SPHKAP: variants seen among roughly 807,000 people sequenced by gnomAD.
SPHKAP encodes the protein SPHK1 interactor, AKAP domain containing, also known as A-kinase anchor protein SPHKAP.
A neutral mutation model predicts 137.5 loss-of-function variants in SPHKAP; 67 were observed. The ratio of observed to expected loss-of-function variants is 0.49; its 90% CI spans 0.40 to 0.60. SPHKAP has a LOEUF of 0.60. SPHKAP is among the 20% of genes least tolerant of loss of function. The pLI is 0.00. For missense variants in SPHKAP, 2,097 were observed against 2,069.3 expected, an observed-to-expected ratio of 1.01 and a Z score of -0.26; for synonymous variants, 813 against 785.3, an observed-to-expected ratio of 1.04 and a Z score of -0.59.
intron 3 of SPHKAP, among the ~76,000 whole-genome samples, chr2:228,053,266 C>T (rs1351811646): frequency 6.6e-6 from 1 of 152,178 alleles, no homozygotes; most frequent in Non-Finnish European, 1.5e-5. Context: ...CCACCCAAAG[C>T]CCCTATCTCT....
chr2:228,071,681 A>G (rs1335703687), intron 3 of SPHKAP, among the ~76,000 whole-genome samples: 3 of 151,606 alleles, frequency 2.0e-5, no homozygotes. Flanking sequence ...CACAAATTTC[A>G]TTTTCTTTCT....
chr2:228,092,559 TGTGCCA>T (rs1697834807), intron 3 of SPHKAP, among the ~76,000 whole-genome samples: 4 of 132,072 alleles, frequency 3.0e-5, no homozygotes, highest in South Asian at 2.6e-4. Flanking sequence ...TATGTGTATA[TGTGCCA>T]TATATATGTG....
chr2:228,063,143 C>CCTATCTATCTAT (rs71043020), intron 3 of SPHKAP, among the ~76,000 whole-genome samples: 4,585 of 145,870 alleles, frequency 0.031, 78 homozygotes, highest in East Asian at 0.044. Context: ...TAGATAGATC[C>CCTATCTATCTAT]CTATCTATCT....
At chr2:228,157,526 G>A (rs762914771) in intron 1 of SPHKAP, among the ~76,000 whole-genome samples, 5 of 152,184 alleles carry the variant, frequency 3.3e-5, no homozygotes, top group Non-Finnish European at 7.3e-5. Context: ...TAATAAGAAT[G>A]GAATGGAGCA....
At chr2:228,125,074 C>G (rs1376365372) in intron 2 of SPHKAP, among the ~76,000 whole-genome samples, 3 of 152,148 alleles carry the variant, frequency 2.0e-5, no homozygotes, top group Non-Finnish European at 4.4e-5. Context: ...AGTCTGCCAC[C>G]TTTGGTAAGT....
At chr2:228,048,684 A>G (rs1231635593) in intron 3 of SPHKAP, among the ~76,000 whole-genome samples, 4 of 152,176 alleles carry the variant, frequency 2.6e-5, no homozygotes, top group Non-Finnish European at 5.9e-5. Context: ...CCTGCTGTAC[A>G]GGTTTGTAGC....
intron 3 of SPHKAP, among the ~76,000 whole-genome samples, chr2:228,106,290 C>T (rs1367367583): frequency 6.6e-6 from 1 of 152,170 alleles, no homozygotes; most frequent in Non-Finnish European, 1.5e-5. Flanking sequence ...AAGTTCATTA[C>T]AGTGAATACC....
At chr2:228,005,044 G>C (rs945914510) in intron 7 of SPHKAP, among the ~76,000 whole-genome samples, 6 of 152,202 alleles carry the variant, frequency 3.9e-5, no homozygotes, top group African/African-American at 1.4e-4. Context: ...ATTTGGGGTG[G>C]AGAGTTCTCT....
intron 3 of SPHKAP, among the ~76,000 whole-genome samples, chr2:228,030,644 T>C (rs1441739225): frequency 6.7e-6 from 1 of 149,892 alleles, no homozygotes; most frequent in Admixed American, 6.6e-5. Flanking sequence ...AAGCTAGAAC[T>C]TAAAAGGGCT....
At chr2:228,136,515 T>C (rs368458826) in intron 1 of SPHKAP, among the ~76,000 whole-genome samples, 34 of 152,182 alleles carry the variant, frequency 2.2e-4, no homozygotes, top group Middle Eastern at 3.4e-3. Flanking sequence ...ATAGTGAAAA[T>C]AGCCTAGGGA....
In SPHKAP at chr2:227,993,615, C is replaced by T; in HGVS notation, c.4640G>A (p.Gly1547Asp). 6.3e-7 allele frequency: 1 copy of T among 1,590,522 alleles called. No individual in the cohort carries two copies. The highest frequency in any genetic ancestry group is 1.1e-5 in the South Asian group (1 of 86,970). Reference sequence around the variant, plus strand: ...AAGACTGCTAGTGGCACTACTGTTGCCATTGCTGACAAAGCAAAAGTTTAC... The same window carrying T: ...AAGACTGCTAGTGGCACTACTGTTGTCATTGCTGACAAAGCAAAAGTTTAC... Reference protein sequence around the residue: ...LQLSERSMSNGNSSATSSLGI... With the variant: ...LQLSERSMSNDNSSATSSLGI... The change falls in exon 9 of 12, where the codon GGC (glycine) becomes GAC (aspartate). Residue 1547 changes from glycine to aspartate, a missense_variant. Physicochemically the swap from Gly to Asp is moderately conservative, Grantham distance 94. Coordinates refer to ENST00000392056, the MANE Select transcript of SPHKAP (RefSeq NM_001142644.2).
At chr2:228,037,838 TAAATTTTGG>T (rs1228452623) in intron 3 of SPHKAP, among the ~76,000 whole-genome samples, 1 of 152,198 alleles carries the variant, frequency 6.6e-6, no homozygotes, top group African/African-American at 2.4e-5. Context: ...CCCTGAAACC[TAAATTTTGG>T]TAGTTTTACA....
chr2:228,171,717 C>T (rs1700590123), intron 1 of SPHKAP, among the ~76,000 whole-genome samples: 1 of 152,116 alleles, frequency 6.6e-6, no homozygotes, highest in East Asian at 1.9e-4. Context: ...CAGCTGTACT[C>T]ACTGTGTAAT....
At chr2:228,147,376 A>C (rs1397071087) in intron 1 of SPHKAP, among the ~76,000 whole-genome samples, 1 of 152,246 alleles carries the variant, frequency 6.6e-6, no homozygotes, top group Non-Finnish European at 1.5e-5. Flanking sequence ...TTTTTTAAAA[A>C]TCAATACAAG....
intron 7 of SPHKAP, among the ~76,000 whole-genome samples, chr2:227,997,454 G>T (rs759846459): frequency 2.0e-5 from 3 of 152,026 alleles, no homozygotes; most frequent in Non-Finnish European, 4.4e-5. Flanking sequence ...AAAGGTTTTT[G>T]GAAGACATAA....
chr2:228,026,652 T>C (rs1487158378), intron 4 of SPHKAP, among the ~76,000 whole-genome samples: 1 of 152,190 alleles, frequency 6.6e-6, no homozygotes, highest in African/African-American at 2.4e-5. Flanking sequence ...ACCATAATTC[T>C]ATCAAATACA....
intron 3 of SPHKAP, among the ~76,000 whole-genome samples, chr2:228,068,781 T>C (rs183566276): frequency 6.6e-6 from 1 of 152,340 alleles, no homozygotes; most frequent in Admixed American, 6.5e-5. Context: ...ATTTCTTTTG[T>C]TTTAGCTCCC....
chr2:228,069,962 A>G (rs1239377918), intron 3 of SPHKAP, among the ~76,000 whole-genome samples: 1 of 152,216 alleles, frequency 6.6e-6, no homozygotes, highest in African/African-American at 2.4e-5. Context: ...AGCTGGGATC[A>G]GGAACACGTG....
intron 3 of SPHKAP, among the ~76,000 whole-genome samples, chr2:228,042,352 T>C (rs1402053522): frequency 2.0e-5 from 3 of 152,152 alleles, no homozygotes; most frequent in Non-Finnish European, 4.4e-5. Context: ...ATTCTTACTA[T>C]TATTATATAT....
Sources: gnomAD v4.1 joint callset for allele counts (sites outside exome capture counted in the v4.1 genomes callset) on GRCh38, gnomAD v4.1.1 for gene constraint, MANE v1.5 for transcripts, NCBI Gene and HGNC (gene_info 2026-07-23, HGNC 2026-07-21) for gene names.